The following AK7 variants were observed in gnomAD, a reference collection of about 807,000 sequenced individuals.
AK7 encodes the protein adenylate kinase 7, also known as ATP-AMP transphosphorylase 7.
AK7 carries 78 observed loss-of-function variants against 96.6 expected under a neutral mutation model. The ratio of observed to expected loss-of-function variants is 0.81; its 90% CI spans 0.67 to 0.97. AK7 has a LOEUF of 0.97. Ranked by LOEUF, AK7 falls within the 50% of genes least tolerant of loss-of-function variation. The pLI is 0.00. For synonymous variants in AK7, 302 were observed against 317.2 expected (o/e 0.95, Z 0.51); for missense variants, 855 against 887.9 (o/e 0.96, Z 0.47).
At position 96,425,079 on chromosome 14, in the gene AK7, G is replaced by A. The variant is rs563302824; in HGVS notation, c.609+4147G>A. Among the ~76,000 whole-genome samples, 8 of 152,192 alleles carry A rather than the reference G, an allele frequency of 5.3e-5. No individual in the cohort carries two copies. In the East Asian group the frequency reaches 9.6e-4, roughly 18 times the overall value. On this transcript the variant is annotated intron_variant, in intron 5 of 17. Transcript: ENST00000267584. ...TCTTTTCTACACCATTAATAAGATT[G>A]ATTTGGCCAATTTGGTCATCCCAAT... is the stretch of plus-strand genomic sequence containing the variant.
At chr14:96,444,324 C>CATTATTA in intron 7 of AK7, among the ~76,000 whole-genome samples, 1 of 152,240 alleles carries the variant, frequency 6.6e-6, no homozygotes, top group South Asian at 2.1e-4. Context: ...GAGTCTTTTA[C>CATTATTA]ATTATTAATA....
intron 12 of AK7, among the ~76,000 whole-genome samples, chr14:96,471,255 T>C (rs1894866802): frequency 6.8e-6 from 1 of 146,768 alleles, no homozygotes; most frequent in Admixed American, 7.1e-5. Context: ...TTGCAGAGCC[T>C]GGGAGGCTGA....
At chr14:96,484,387 G>T (rs955706184) in intron 16 of AK7, among the ~76,000 whole-genome samples, 2 of 152,162 alleles carry the variant, frequency 1.3e-5, no homozygotes, top group African/African-American at 4.8e-5. Flanking sequence ...TCTCCAGTCT[G>T]TTCCTACGCA....
At chr14:96,487,578 A>G (rs1895848903) in intron 17 of AK7, among the ~76,000 whole-genome samples, 3 of 150,258 alleles carry the variant, frequency 2.0e-5, no homozygotes, top group Admixed American at 2.0e-4. Flanking sequence ...ACAGATGTGC[A>G]CCACCACCCC....
chr14:96,488,628 C>G lies in AK7; in HGVS notation c.*285C>G. On this transcript the variant is annotated 3_prime_UTR_variant, in exon 18 of 18. Transcript: ENST00000267584. ...GATCTAAATATACCGCTTCTGTACA[C>G]TAATGTTTATAGGTATTTATAGCAT... The G allele has an allele frequency of 3.6e-6, 1 of 279,020 alleles. No individual in the cohort carries two copies. Among genetic ancestry groups the G allele is most frequent in the Non-Finnish European group, 6.8e-6 (1 of 147,236 alleles). The allele number at this position is 279,020 out of a possible 1,614,324, so 17.3% of individuals were successfully genotyped here.
intron 16 of AK7, among the ~76,000 whole-genome samples, chr14:96,483,721 C>T (rs543118772): frequency 3.4e-4 from 52 of 152,308 alleles, no homozygotes; most frequent in Non-Finnish European, 2.2e-4. Flanking sequence ...CCACCATGCC[C>T]AGCTTGCTTA....
At chr14:96,444,367 C>A (rs145885123) in intron 7 of AK7, among the ~76,000 whole-genome samples, 2 of 152,174 alleles carry the variant, frequency 1.3e-5, no homozygotes, top group Admixed American at 1.3e-4. Context: ...TAACATATTA[C>A]GTCCAAACAT....
chr14:96,429,909 C>CAGGGACAATTTGACTTCCTCT (rs1344183161), intron 5 of AK7, among the ~76,000 whole-genome samples: 17 of 152,182 alleles, frequency 1.1e-4, no homozygotes, highest in Non-Finnish European at 7.3e-5. Flanking sequence ...CATCTGCAAA[C>CAGGGACAATTTGACTTCCTCT]AGGGACAATT....
chr14:96,398,798 G>A (rs1461734601), intron 2 of AK7: 1 of 160,448 alleles, frequency 6.2e-6, no homozygotes, highest in East Asian at 1.8e-4. Flanking sequence ...GCTGTCTCCA[G>A]AAACAATGCT....
intron 15 of AK7, among the ~76,000 whole-genome samples, chr14:96,479,066 G>C (rs1895359140): frequency 6.6e-6 from 1 of 151,610 alleles, no homozygotes; most frequent in Non-Finnish European, 1.5e-5. Flanking sequence ...ATGCCACCAG[G>C]CCTGATTAAT....
chr14:96,396,365 G>C (rs536677913), intron 1 of AK7, among the ~76,000 whole-genome samples: 1 of 152,184 alleles, frequency 6.6e-6, no homozygotes, highest in Non-Finnish European at 1.5e-5. Flanking sequence ...GCTGTGTCTC[G>C]TCGTTAGGCT....
intron 5 of AK7, among the ~76,000 whole-genome samples, chr14:96,434,513 A>G (rs1595409080): frequency 6.6e-6 from 1 of 151,690 alleles, no homozygotes; most frequent in East Asian, 1.9e-4. Context: ...TGTAGCCACC[A>G]CCACTGTGAC....
At chr14:96,485,794 C>CTT (rs758883552) in intron 16 of AK7, among the ~76,000 whole-genome samples, 32 of 128,974 alleles carry the variant, frequency 2.5e-4, no homozygotes, top group African/African-American at 6.4e-4. Flanking sequence ...TCAGCTAGGA[C>CTT]TTTTTTTTTT....
chr14:96,446,666 C>T lies in AK7; in HGVS notation c.870+59C>T, dbSNP rs567443814. On this transcript the variant is annotated intron_variant, in intron 8 of 17. Transcript: ENST00000267584. Reference sequence around the variant, plus strand: ...ATCGTAAATAGTTTTGCTGGCTGGGCGCGGTGGCTCATGCCTGTAATCCTA... The same window carrying T: ...ATCGTAAATAGTTTTGCTGGCTGGGTGCGGTGGCTCATGCCTGTAATCCTA... The T allele has an allele frequency of 1.9e-4, 291 of 1,494,316 alleles. No individual in the cohort carries two copies. The South Asian group carries it at 2.9e-3, about 15-fold the overall frequency. The allele number at this position is 1,494,316 out of a possible 1,614,324, so 92.6% of individuals were successfully genotyped here.
intron 14 of AK7, among the ~76,000 whole-genome samples, chr14:96,475,241 G>A (rs946095527): frequency 2.0e-5 from 3 of 152,168 alleles, no homozygotes; most frequent in African/African-American, 7.2e-5. Context: ...ATTCGTACTT[G>A]TAGGATTTTA....
At chr14:96,444,704 C>A (rs1017707797) in intron 7 of AK7, among the ~76,000 whole-genome samples, 21 of 151,774 alleles carry the variant, frequency 1.4e-4, no homozygotes, top group Non-Finnish European at 2.1e-4. Flanking sequence ...ACTAACCTAT[C>A]GGTTATCTTT....
At position 96,449,735 on chromosome 14, in the gene AK7, A is replaced by C. The variant is rs1030516176; in HGVS notation, c.871-67A>C. ...AGGCGTGAGCCACTGCGCCTGGCCCATTTGAGTTTTATATAAAGTAAAACC... is the reference window on the plus strand; with the variant it reads ...AGGCGTGAGCCACTGCGCCTGGCCCCTTTGAGTTTTATATAAAGTAAAACC... On this transcript the variant is annotated intron_variant, in intron 8 of 17. Transcript: ENST00000267584. 3.4e-5 allele frequency: 42 copies of C among 1,253,552 alleles called. No individual in the cohort carries two copies. The East Asian group carries it at 9.7e-4, about 29-fold the overall frequency. 77.7% of individuals were successfully genotyped at this position (1,253,552 alleles called of 1,614,324 possible). A position where few individuals can be genotyped will look rare whatever the true frequency, so the allele number is the denominator to read the frequency against.
chr14:96,466,474 A>G (rs1207256772), intron 12 of AK7, among the ~76,000 whole-genome samples: 2 of 151,966 alleles, frequency 1.3e-5, no homozygotes, highest in African/African-American at 4.8e-5. Context: ...TCCTGACCTC[A>G]TGATCCGCCT....
chr14:96,440,263 G>A (rs1359747294), intron 6 of AK7, among the ~76,000 whole-genome samples: 4 of 152,128 alleles, frequency 2.6e-5, no homozygotes, highest in African/African-American at 4.8e-5. Flanking sequence ...GTGAGCCACC[G>A]TGCCCGGCCT....
Sources: allele counts gnomAD v4.1 joint callset (sites outside exome capture counted in the v4.1 genomes callset), GRCh38; gene constraint gnomAD v4.1.1; transcripts MANE v1.5; gene names NCBI Gene and HGNC (gene_info 2026-07-23, HGNC 2026-07-21).